Variants in UBR3 observed in about 807,000 individuals in gnomAD.
The protein encoded by UBR3 is ubiquitin protein ligase E3 component n-recognin 3.
UBR3 carries 85 observed loss-of-function variants against 243.2 expected under a neutral mutation model. That is an observed-to-expected ratio of 0.35 (90% CI 0.29 to 0.42). The LOEUF (loss-of-function observed/expected upper bound fraction) is 0.42, where lower values mean the gene tolerates loss of function less well. Ranked by LOEUF, UBR3 falls within the 10% of genes least tolerant of loss-of-function variation. The pLI, the probability that UBR3 is intolerant of heterozygous loss-of-function variation, is 1.00. For missense variants in UBR3, 1,686 were observed against 2,300.8 expected (o/e 0.73, Z 5.47); for synonymous variants, 748 against 799.8 (o/e 0.94, Z 1.09).
At chr2:169,945,641 T>C (rs1428212084) in intron 20 of UBR3, among the ~76,000 whole-genome samples, 1 of 152,208 alleles carries the variant, frequency 6.6e-6, no homozygotes, top group Non-Finnish European at 1.5e-5. Context: ...CCAGGCCATT[T>C]TGTTACTTGT....
intron 32 of UBR3, among the ~76,000 whole-genome samples, chr2:170,052,155 C>G (rs1406888411): frequency 6.6e-6 from 1 of 152,128 alleles, no homozygotes; most frequent in Non-Finnish European, 1.5e-5. Context: ...CTATGAGATA[C>G]CACCATCACC....
At chr2:170,067,843 G>A (rs1281602401) in intron 35 of UBR3, among the ~76,000 whole-genome samples, 1 of 148,478 alleles carries the variant, frequency 6.7e-6, no homozygotes, top group East Asian at 2.0e-4. Context: ...GATCTCAGCT[G>A]ACTGCAACCT....
intron 2 of UBR3, among the ~76,000 whole-genome samples, chr2:169,875,582 A>C (rs2083577482): frequency 6.6e-6 from 1 of 152,194 alleles, no homozygotes; most frequent in East Asian, 1.9e-4. Context: ...TGTTTTCCAA[A>C]GGACTGAATT....
At chr2:169,991,215 G>T (rs2089260551) in intron 25 of UBR3, among the ~76,000 whole-genome samples, 1 of 152,258 alleles carries the variant, frequency 6.6e-6, no homozygotes. Context: ...AGCAAAAATG[G>T]ACAGAATTGA....
chr2:170,080,087 A>T, intron 37 of UBR3, 64 bp downstream of exon 37: 1 of 1,434,998 alleles, frequency 7.0e-7, no homozygotes. Context: ...AAATATGGTC[A>T]AGCCATCTCT....
chr2:170,046,617 G>GTTGT (rs1177524453), intron 32 of UBR3, among the ~76,000 whole-genome samples: 1 of 152,118 alleles, frequency 6.6e-6, no homozygotes, highest in Non-Finnish European at 1.5e-5. Context: ...ATAATTTCCA[G>GTTGT]TTGTTCCTCT....
At chr2:169,972,138 C>G (rs553788818) in intron 24 of UBR3, among the ~76,000 whole-genome samples, 2 of 152,314 alleles carry the variant, frequency 1.3e-5, no homozygotes, top group African/African-American at 2.4e-5. Flanking sequence ...CTAAACACCT[C>G]TAAGCAAATA....
chr2:170,040,978 A>T lies in UBR3; in HGVS notation c.4653A>T (p.Leu1551Phe), dbSNP rs751252284. Residue 1551 changes from leucine (L) to phenylalanine (F), a missense_variant, in exon 32 of 39, where the codon TTA (leucine) becomes TTT (phenylalanine). By Grantham distance (22) the Leu-to-Phe change is conservative. This residue lies in a region of UBR3 where 371 missense variants were observed against 422.5 expected (regional missense o/e 0.88). Coordinates refer to ENST00000272793, the MANE Select transcript of UBR3 (RefSeq NM_172070.4). ...LIQILMMPQP[L>F]RKDHFTCIVK... Reference sequence around the variant, plus strand: ...AGATCTTAATGATGCCACAACCCTTACGCAAAGGTATGTCTTTATAATTCA... The same window carrying T: ...AGATCTTAATGATGCCACAACCCTTTCGCAAAGGTATGTCTTTATAATTCA... The T allele has an allele frequency of 6.2e-7, 1 of 1,610,990 alleles. No individual in the cohort carries two copies. Among genetic ancestry groups the T allele is most frequent in the South Asian group, 1.1e-5 (1 of 90,992 alleles).
At position 169,877,573 on chromosome 2, in the gene UBR3, T is replaced by C. The variant is rs757792285; in HGVS notation, c.924T>C (p.Pro308=). Residue 308 remains proline, a synonymous_variant, in exon 4 of 39, where the codon CCT becomes CCC. Coordinates refer to ENST00000272793, the MANE Select transcript of UBR3 (RefSeq NM_172070.4). Reference sequence around the variant, plus strand: ...TAAAGAGCTCTGGACTTACATATCCTGAGGATAAGCTTGTATATGGTGTGC... The same window carrying C: ...TAAAGAGCTCTGGACTTACATATCCCGAGGATAAGCTTGTATATGGTGTGC... ...IALKSSGLTY[P]EDKLVYGVQE... 6.5e-6 allele frequency: 10 copies of C among 1,549,722 alleles called. No homozygotes were observed. In the South Asian group the frequency reaches 1.1e-4, roughly 17 times the overall value.
At chr2:169,891,041 G>C in intron 5 of UBR3, 124 bp from the exon 6 acceptor site, 1 of 539,052 alleles carries the variant, frequency 1.9e-6, no homozygotes, top group Non-Finnish European at 3.2e-6. Flanking sequence ...CAAATACATA[G>C]ATGTTGATTA....
At chr2:169,858,605 T>TTTATTTA (rs2082973477) in intron 1 of UBR3, among the ~76,000 whole-genome samples, 1 of 152,138 alleles carries the variant, frequency 6.6e-6, no homozygotes, top group Admixed American at 6.6e-5. Context: ...TTGAAATTTA[T>TTTATTTA]TTATTTATTT....
rs5836254 is a variant in UBR3, at chr2:169,927,575, G to GT, written c.2424+185dup. ...AAGTATGTATTCAAGCCTGGTGACT[G>GT]TTTTTTTTTTTTTTTAACCTCCTGT... On this transcript the variant is annotated intron_variant, in intron 17 of 38. Transcript: ENST00000272793. 2.0e-3 allele frequency among the ~76,000 whole-genome samples: 286 copies of GT among 146,202 alleles called. 1 individual carries two copies. Among genetic ancestry groups the GT allele is most frequent in the African/African-American group, 6.5e-3 (257 of 39,710 alleles).
At chr2:169,845,349 G>T (rs1228715383) in intron 1 of UBR3, among the ~76,000 whole-genome samples, 1 of 150,972 alleles carries the variant, frequency 6.6e-6, no homozygotes, top group Non-Finnish European at 1.5e-5. Flanking sequence ...CTTGAGTCTG[G>T]GATATAGAGG....
intron 26 of UBR3, among the ~76,000 whole-genome samples, chr2:169,998,671 T>C (rs16857366): frequency 0.095 from 14,507 of 152,208 alleles, 838 homozygotes; most frequent in African/African-American, 0.16. Flanking sequence ...GGCACTGATA[T>C]TGATTATAGG....
chr2:169,904,130 T>A lies in UBR3; in HGVS notation c.1466-984T>A, dbSNP rs543465272. ...TTTTTCTGTCCCAAGGTTTTTTAGC[T>A]TTTTTTCCTGGCACTTGTTTTTATT... On this transcript the variant is annotated intron_variant, in intron 8 of 38. Transcript: ENST00000272793. Among the ~76,000 whole-genome samples, 3 of 152,282 alleles carry A rather than the reference T, an allele frequency of 2.0e-5. No individual in the cohort carries two copies. In the South Asian group the frequency reaches 6.2e-4, roughly 32 times the overall value.
At chr2:170,056,923 A>G (rs1054554001) in intron 33 of UBR3, among the ~76,000 whole-genome samples, 8 of 152,202 alleles carry the variant, frequency 5.3e-5, no homozygotes, top group South Asian at 2.1e-4. Flanking sequence ...TAGTCAAAAC[A>G]TAACTGTCTA....
intron 33 of UBR3, among the ~76,000 whole-genome samples, chr2:170,056,758 C>T (rs1574461012): frequency 6.6e-6 from 1 of 152,208 alleles, no homozygotes; most frequent in South Asian, 2.1e-4. Context: ...AGTTTACTCT[C>T]ATATCACAAT....
chr2:169,914,314 A>G (rs1473006072), intron 11 of UBR3, among the ~76,000 whole-genome samples, 168 bp downstream of exon 11: 2 of 152,176 alleles, frequency 1.3e-5, no homozygotes, highest in African/African-American at 4.8e-5. Context: ...AGGGGAGACT[A>G]GTTCTTTAGT....
Position 170,017,336 on chromosome 2 carries a change from G to T in UBR3, c.4453+1970G>T, listed in dbSNP as rs2090265496. Among the ~76,000 whole-genome samples the T allele has an allele frequency of 2.0e-5, 3 of 151,832 alleles. No individual in the cohort carries two copies. The South Asian group carries it at 6.2e-4, about 32-fold the overall frequency. On this transcript the variant is annotated intron_variant, in intron 30 of 38. Transcript: ENST00000272793. ...TTTTTTCTTCCATAATGTTTTTGAGGAGAGTGAGAAAATGCCTCACTGATT... is the reference window on the plus strand; with the variant it reads ...TTTTTTCTTCCATAATGTTTTTGAGTAGAGTGAGAAAATGCCTCACTGATT...
Sources: allele counts gnomAD v4.1 joint callset (sites outside exome capture counted in the v4.1 genomes callset), GRCh38; gene constraint gnomAD v4.1.1; regional missense constraint gnomAD v4.1.1; transcripts MANE v1.5; gene names NCBI Gene and HGNC (gene_info 2026-07-23, HGNC 2026-07-21).